The following ADGRV1 variants were observed in gnomAD, a reference collection of about 807,000 sequenced individuals.
ADGRV1 encodes the protein G-protein coupled receptor 98.
Under a neutral mutation model 596.2 loss-of-function variants are expected in ADGRV1, and 359 were observed. The observed-to-expected ratio is 0.60, with a 90% CI of 0.55 to 0.66. The LOEUF is 0.66. ADGRV1 is among the 30% of genes least tolerant of loss of function. The pLI, the probability that ADGRV1 is intolerant of heterozygous loss-of-function variation, is 0.00. For missense variants in ADGRV1, 7,274 were observed against 7,575.6 expected (o/e 0.96, Z 1.48); for synonymous variants, 2,681 against 2,679.2 (o/e 1.00, Z -0.02).
chr5:90,620,205 A>G (rs112728960), intron 4 of ADGRV1, among the ~76,000 whole-genome samples: 2 of 151,636 alleles, frequency 1.3e-5, no homozygotes, highest in African/African-American at 4.9e-5. Context: ...GAACTAGTTT[A>G]CAGTCCCACC....
intron 83 of ADGRV1, among the ~76,000 whole-genome samples, chr5:90,868,777 A>G (rs1409358331): frequency 2.6e-5 from 4 of 152,014 alleles, no homozygotes; most frequent in Non-Finnish European, 5.9e-5. Context: ...TTCTGCACAC[A>G]GATATGAATA....
At chr5:91,097,552 T>C (rs962978409) in intron 86 of ADGRV1, among the ~76,000 whole-genome samples, 3 of 152,238 alleles carry the variant, frequency 2.0e-5, no homozygotes, top group Non-Finnish European at 4.4e-5. Flanking sequence ...AAATATCCAT[T>C]TGAGTACCTG....
intron 79 of ADGRV1, among the ~76,000 whole-genome samples, chr5:90,850,514 CTAAG>C (rs1749957410): frequency 1.3e-5 from 2 of 152,174 alleles, no homozygotes; most frequent in African/African-American, 2.4e-5. Context: ...TAAGTTTGCA[CTAAG>C]TGAGGCCACA....
Position 90,773,018 on chromosome 5 carries a change from A to T in ADGRV1, c.12286-1168A>T, listed in dbSNP as rs186605745. ...CCCCGTCTCTACTAAAAACACAAAA[A>T]TTAGCTGAGCATGGTTAACGCACAC... On this transcript the variant is annotated intron_variant, in intron 59 of 89. Coordinates refer to ENST00000405460, the MANE Select transcript of ADGRV1 (RefSeq NM_032119.4). Among the ~76,000 whole-genome samples, 205 of 152,238 alleles carry T rather than the reference A, an allele frequency of 1.3e-3. 2 individuals carry two copies. The highest frequency in any genetic ancestry group is 4.5e-3 in the African/African-American group (189 of 41,546).
At position 90,745,732 on chromosome 5, in the gene ADGRV1, T is replaced by C; in HGVS notation, c.10911T>C (p.Asn3637=). Reference sequence around the variant, plus strand: ...AAGGAGGAGCAGAGATTGGCATTAATGATTCTGTAACAATAACCATTCTGT... The same window carrying C: ...AAGGAGGAGCAGAGATTGGCATTAACGATTCTGTAACAATAACCATTCTGT... ...NPKGGAEIGI[N]DSVTITILSN... Residue 3637 remains asparagine, a synonymous_variant, in exon 52 of 90, where the codon AAT becomes AAC. Transcript: ENST00000405460. The C allele has an allele frequency of 6.2e-7, 1 of 1,612,528 alleles. No individual in the cohort carries two copies. Among genetic ancestry groups the C allele is most frequent in the Middle Eastern group, 1.7e-4 (1 of 6,056 alleles).
intron 74 of ADGRV1, among the ~76,000 whole-genome samples, chr5:90,812,374 A>C (rs1762519269): frequency 6.6e-6 from 1 of 152,216 alleles, no homozygotes; most frequent in Non-Finnish European, 1.5e-5. Context: ...GTACATATTT[A>C]GAGGGTACAA....
At chr5:90,646,766 TTTC>T (rs1220966101) in intron 16 of ADGRV1, among the ~76,000 whole-genome samples, 2 of 144,600 alleles carry the variant, frequency 1.4e-5, no homozygotes, top group African/African-American at 2.6e-5. Context: ...GTATTCTTTC[TTTC>T]TTCTTCTTTT....
intron 85 of ADGRV1, among the ~76,000 whole-genome samples, chr5:91,030,110 C>T (rs558511819): frequency 0.01 from 1,572 of 152,128 alleles, 26 homozygotes; most frequent in African/African-American, 0.036. Flanking sequence ...CTCTTCTGTT[C>T]CATTTGATTA....
At chr5:91,070,284 AAC>A (rs1788273445) in intron 85 of ADGRV1, among the ~76,000 whole-genome samples, 1 of 152,180 alleles carries the variant, frequency 6.6e-6, no homozygotes, top group African/African-American at 2.4e-5. Context: ...AAAAAAAGTT[AAC>A]ACACTATTTT....
In ADGRV1 at chr5:90,595,595, G is replaced by A. The variant is rs373930485; in HGVS notation, c.23-19240G>A. The stretch of plus-strand genomic sequence containing the variant: ...CCCCAACCTCCCTCCCAGATGGGGC[G>A]GCTGGCCGGGCGGGGGGCTGACCCC... On this transcript the variant is annotated intron_variant, in intron 1 of 89. Transcript: ENST00000405460. Among the ~76,000 whole-genome samples, 33 of 132,312 alleles carry A rather than the reference G, an allele frequency of 2.5e-4. No individual in the cohort carries two copies. The East Asian group carries it at 3.3e-3, about 13-fold the overall frequency. The allele number at this position is 132,312 out of a possible 152,430, so 86.8% of individuals were successfully genotyped here. A position where few individuals can be genotyped will look rare whatever the true frequency, so the allele number is the denominator to read the frequency against.
intron 74 of ADGRV1, among the ~76,000 whole-genome samples, chr5:90,814,887 G>T (rs1475862542): frequency 2.0e-5 from 3 of 152,170 alleles, no homozygotes; most frequent in African/African-American, 7.2e-5. Flanking sequence ...TCAGAACTAT[G>T]CAGTGGTATT....
intron 60 of ADGRV1, 134 bp downstream of exon 60, chr5:90,774,437 A>G (rs1758006684): frequency 1.7e-6 from 1 of 598,404 alleles, no homozygotes; most frequent in Non-Finnish European, 3.0e-6. Context: ...CATTTTCCAC[A>G]TGTATTAAAG....
chr5:90,917,429 A>G (rs1320080724), intron 83 of ADGRV1, among the ~76,000 whole-genome samples: 4 of 150,876 alleles, frequency 2.7e-5, no homozygotes, highest in South Asian at 2.1e-4. Flanking sequence ...ATTACCTACA[A>G]CCATCAAGAA....
At chr5:90,594,222 T>G (rs1759921564) in intron 1 of ADGRV1, among the ~76,000 whole-genome samples, 1 of 151,602 alleles carries the variant, frequency 6.6e-6, no homozygotes, top group African/African-American at 2.4e-5. Flanking sequence ...AATCCCCACA[T>G]GTCATGGGAG....
intron 84 of ADGRV1, among the ~76,000 whole-genome samples, chr5:90,972,603 C>T (rs571535082): frequency 4.9e-4 from 74 of 152,294 alleles, no homozygotes; most frequent in Non-Finnish European, 5.0e-4. Context: ...TGAATGACTA[C>T]TGGGTAAATA....
intron 1 of ADGRV1, among the ~76,000 whole-genome samples, chr5:90,561,169 C>T (rs543803535): frequency 1.9e-4 from 29 of 152,230 alleles, no homozygotes; most frequent in African/African-American, 6.7e-4. Flanking sequence ...GCAGAGAGAT[C>T]TATGCCCTGG....
intron 67 of ADGRV1, among the ~76,000 whole-genome samples, chr5:90,784,763 T>C (rs942013371): frequency 6.6e-6 from 1 of 151,866 alleles, no homozygotes; most frequent in African/African-American, 2.4e-5. Context: ...CTCAATGAAA[T>C]AAAAGAGGAC....
In ADGRV1 at chr5:90,791,321, T is replaced by G; in HGVS notation, c.14492T>G (p.Val4831Gly). Residue 4831 changes from valine (V) to glycine (G), a missense_variant, in exon 70 of 90, where the codon GTG becomes GGG. Physicochemically the swap from Val to Gly is moderately radical, Grantham distance 109. Transcript: ENST00000405460. Reference protein sequence around the residue: ...LVVKDGATYKVDVVPIKNQVF... With the variant: ...LVVKDGATYKGDVVPIKNQVF... ...GTCAAAGATGGTGCCACATATAAAGTGGACGTGGTGCCAATAAAGAATCAG... is the reference window on the plus strand; with the variant it reads ...GTCAAAGATGGTGCCACATATAAAGGGGACGTGGTGCCAATAAAGAATCAG... The G allele has an allele frequency of 6.4e-7, 1 of 1,572,684 alleles. No homozygotes were observed. Among genetic ancestry groups the G allele is most frequent in the African/African-American group, 1.3e-5 (1 of 74,130 alleles).
chr5:91,090,988 ACATGTAAAATG>A (rs1790334279), intron 86 of ADGRV1, among the ~76,000 whole-genome samples: 1 of 152,092 alleles, frequency 6.6e-6, no homozygotes, highest in Admixed American at 6.5e-5. Flanking sequence ...TGTGTAGTTC[ACATGTAAAATG>A]CATTTCTCAC....
Sources: allele counts gnomAD v4.1 joint callset (sites outside exome capture counted in the v4.1 genomes callset), GRCh38; gene constraint gnomAD v4.1.1; transcripts MANE v1.5; gene names NCBI Gene and HGNC (gene_info 2026-07-23, HGNC 2026-07-21).